DEPDC1B: variants seen among roughly 807,000 people sequenced by gnomAD.
The protein encoded by DEPDC1B is DEP domain-containing protein 1B.
Under a neutral mutation model 66.5 loss-of-function variants are expected in DEPDC1B, and 51 were observed. The observed-to-expected ratio is 0.77, with a 90% CI of 0.61 to 0.97. DEPDC1B has a LOEUF of 0.97. DEPDC1B is among the 50% of genes least tolerant of loss of function. The probability of loss-of-function intolerance (pLI) is 0.00; values close to 1 mark genes in which losing one functional copy is unlikely to be tolerated. For synonymous variants in DEPDC1B, 226 were observed against 223.6 expected (o/e 1.01, Z -0.10); for missense variants, 552 against 637.1 (o/e 0.87, Z 1.44).
chr5:60,687,965 A>T (rs78390427), intron 1 of DEPDC1B: 14,182 of 154,584 alleles, frequency 0.092, 1,221 homozygotes, highest in African/African-American at 0.22. Flanking sequence ...GGATTTTTAC[A>T]TAAACAAAGA....
chr5:60,663,031 C>G (rs1055066349), intron 2 of DEPDC1B, among the ~76,000 whole-genome samples: 1 of 152,172 alleles, frequency 6.6e-6, no homozygotes, highest in Non-Finnish European at 1.5e-5. Flanking sequence ...TTTTCACATG[C>G]CTTTCTAATT....
chr5:60,613,802 G>GTT (rs1752474647), intron 7 of DEPDC1B, among the ~76,000 whole-genome samples: 1 of 106,576 alleles, frequency 9.4e-6, no homozygotes, highest in Non-Finnish European at 2.0e-5. Context: ...GTGTGTGTGT[G>GTT]TGTGTGTGTG....
At chr5:60,690,247 A>C (rs996903639) in intron 1 of DEPDC1B, among the ~76,000 whole-genome samples, 6 of 152,198 alleles carry the variant, frequency 3.9e-5, no homozygotes, top group Non-Finnish European at 8.8e-5. Flanking sequence ...GAAAAACTAG[A>C]ACTAATTTGA....
chr5:60,672,995 C>T (rs1355360398), intron 2 of DEPDC1B, among the ~76,000 whole-genome samples: 1 of 152,156 alleles, frequency 6.6e-6, no homozygotes, highest in African/African-American at 2.4e-5. Flanking sequence ...TCAATAAATA[C>T]TGGGCATTAT....
At chr5:60,638,507 A>T (rs1220024919) in intron 7 of DEPDC1B, among the ~76,000 whole-genome samples, 2 of 152,198 alleles carry the variant, frequency 1.3e-5, no homozygotes, top group Non-Finnish European at 2.9e-5. Flanking sequence ...CATACAACAT[A>T]TTATATTCTT....
chr5:60,668,572 G>A (rs1231557812), intron 2 of DEPDC1B, among the ~76,000 whole-genome samples: 4 of 151,930 alleles, frequency 2.6e-5, no homozygotes, highest in African/African-American at 4.8e-5. Context: ...CACCATGCCC[G>A]GCCCAGAATA....
chr5:60,678,707 G>A (rs893624266), intron 2 of DEPDC1B, among the ~76,000 whole-genome samples: 6 of 152,154 alleles, frequency 3.9e-5, no homozygotes, highest in African/African-American at 7.2e-5. Flanking sequence ...TTGGTGATAT[G>A]TCTTTTCAAG....
At chr5:60,610,644 T>C (rs983052886) in intron 7 of DEPDC1B, among the ~76,000 whole-genome samples, 3 of 152,218 alleles carry the variant, frequency 2.0e-5, no homozygotes, top group Admixed American at 6.5e-5. Flanking sequence ...TTACATAGTA[T>C]GGAAGAAGAT....
At chr5:60,639,276 C>G (rs548998789) in intron 6 of DEPDC1B, among the ~76,000 whole-genome samples, 1 of 151,814 alleles carries the variant, frequency 6.6e-6, no homozygotes, top group Non-Finnish European at 1.5e-5. Context: ...TAAAGTTGAC[C>G]GAGATAACAA....
chr5:60,659,954 C>G (rs1753670001), intron 2 of DEPDC1B, among the ~76,000 whole-genome samples: 1 of 152,120 alleles, frequency 6.6e-6, no homozygotes, highest in South Asian at 2.1e-4. Flanking sequence ...TGTTCCCCAC[C>G]ACCCTTGCAG....
At position 60,655,229 on chromosome 5, in the gene DEPDC1B, T is replaced by C. The variant is rs909870395; in HGVS notation, c.315-7696A>G. Among the ~76,000 whole-genome samples, 21 of 149,242 alleles carry C rather than the reference T, an allele frequency of 1.4e-4. 3 individuals carry two copies. The highest frequency in any genetic ancestry group is 5.3e-4 in the African/African-American group (21 of 39,578). ...ATTCTTCCTTGAATATCTGATAGAATTCAGCTGTGAATCCTTCTGGTCCTA... is the reference window on the plus strand; with the variant it reads ...ATTCTTCCTTGAATATCTGATAGAACTCAGCTGTGAATCCTTCTGGTCCTA... On this transcript the variant is annotated intron_variant, in intron 2 of 10. Coordinates refer to ENST00000265036, the MANE Select transcript of DEPDC1B (RefSeq NM_018369.3).
chr5:60,637,644 T>A (rs1462152607), intron 7 of DEPDC1B, among the ~76,000 whole-genome samples: 1 of 152,162 alleles, frequency 6.6e-6, no homozygotes, highest in Admixed American at 6.5e-5. Context: ...TGCTCACAAG[T>A]CCATGGGCCC....
intron 7 of DEPDC1B, among the ~76,000 whole-genome samples, chr5:60,635,282 G>C (rs1753020161): frequency 6.6e-6 from 1 of 152,192 alleles, no homozygotes; most frequent in Admixed American, 6.5e-5. Flanking sequence ...CATAAGGGCA[G>C]AGAGGTAATA....
intron 2 of DEPDC1B, among the ~76,000 whole-genome samples, chr5:60,657,259 TC>T (rs1442459046): frequency 2.6e-5 from 4 of 152,244 alleles, no homozygotes; most frequent in African/African-American, 9.6e-5. Flanking sequence ...ACATTCTGTA[TC>T]TTTTAAGTGG....
At chr5:60,601,830 A>G (rs1232078632) in intron 9 of DEPDC1B, among the ~76,000 whole-genome samples, 2 of 152,174 alleles carry the variant, frequency 1.3e-5, no homozygotes, top group Non-Finnish European at 2.9e-5. Flanking sequence ...TTAAGCCCAC[A>G]TGTATTTTAA....
intron 5 of DEPDC1B, among the ~76,000 whole-genome samples, chr5:60,643,830 G>C (rs923168294): frequency 2.6e-5 from 4 of 152,174 alleles, no homozygotes; most frequent in Admixed American, 2.6e-4. Context: ...TCCTCATATA[G>C]TGACTATAAA....
intron 7 of DEPDC1B, among the ~76,000 whole-genome samples, chr5:60,634,580 G>C (rs1752998554): frequency 6.6e-6 from 1 of 151,326 alleles, no homozygotes; most frequent in African/African-American, 2.4e-5. Context: ...GCTGAGGCAG[G>C]AGAATGGTGT....
At chr5:60,638,247 A>G (rs888774340) in intron 7 of DEPDC1B, among the ~76,000 whole-genome samples, 1 of 152,196 alleles carries the variant, frequency 6.6e-6, no homozygotes, top group African/African-American at 2.4e-5. Context: ...GTATAAATCT[A>G]TATGAGGAAT....
chr5:60,603,348 T>C lies in DEPDC1B; in HGVS notation c.1242+43A>G, dbSNP rs754483600. The C allele has an allele frequency of 6.2e-6, 9 of 1,456,070 alleles. No individual in the cohort carries two copies. The South Asian group carries it at 8.3e-5, about 13-fold the overall frequency. The allele number at this position is 1,456,070 out of a possible 1,614,324, so 90.2% of individuals were successfully genotyped here. ...GAAGCCTAGCAAGCTTACGTGACTT[T>C]ATATTGCCAATTTCATAGAACTGAT... On this transcript the variant is annotated intron_variant, in intron 9 of 10. Coordinates refer to ENST00000265036, the MANE Select transcript of DEPDC1B (RefSeq NM_018369.3).
Sources: allele counts gnomAD v4.1 joint callset (sites outside exome capture counted in the v4.1 genomes callset), GRCh38; gene constraint gnomAD v4.1.1; transcripts MANE v1.5; gene names NCBI Gene and HGNC (gene_info 2026-07-23, HGNC 2026-07-21).